Variants in SKI observed in about 807,000 individuals in gnomAD.
The protein encoded by SKI is ski oncogene.
SKI carries 23 observed loss-of-function variants against 59.3 expected under a neutral mutation model. That is an observed-to-expected ratio of 0.39 (90% CI 0.28 to 0.55). SKI has a LOEUF of 0.55. Among genes scored for constraint, SKI ranks in the 20% least tolerant of loss-of-function variants. The pLI, the probability that SKI is intolerant of heterozygous loss-of-function variation, is 0.67. For synonymous variants in SKI, 673 were observed against 488.6 expected (o/e 1.38, Z -4.98); for missense variants, 1,017 against 1,038.9 (o/e 0.98, Z 0.29).
In SKI at chr1:2,303,339, C is replaced by T. The variant is rs1242691039; in HGVS notation, c.1150C>T (p.Pro384Ser). ...QRLSAFRPWS[P>S]AVSASEKELS... The stretch of plus-strand genomic sequence containing the variant: ...CCTCTCTGCTTTCCGACCCTGGTCC[C>T]CCGCAGTGTCAGCGAGTGAGAAAGA... Residue 384 changes from proline (P) to serine (S), a missense_variant, in exon 3 of 7, where the codon CCC (proline) becomes TCC (serine). Transcript: ENST00000378536. This position sits in a 1 kb window ranked among gnomAD's most constrained non-coding sequence, Gnocchi z 5.6. 6.2e-7 allele frequency: 1 copy of T among 1,613,898 alleles called. No individual in the cohort carries two copies. The highest frequency in any genetic ancestry group is 1.1e-5 in the South Asian group (1 of 91,088).
intron 1 of SKI, among the ~76,000 whole-genome samples, chr1:2,280,424 C>T (rs1459569014): frequency 6.6e-6 from 1 of 151,908 alleles, no homozygotes. Flanking sequence ...GGGGGCTGCC[C>T]CTTCTACCCT....
At chr1:2,253,684 G>A (rs1639214101) in intron 1 of SKI, among the ~76,000 whole-genome samples, 1 of 152,218 alleles carries the variant, frequency 6.6e-6, no homozygotes, top group South Asian at 2.1e-4. Flanking sequence ...AACGGTGCGA[G>A]CAGATGGAGG....
intron 1 of SKI, among the ~76,000 whole-genome samples, chr1:2,247,599 C>T (rs1306477924): frequency 2.0e-5 from 3 of 152,238 alleles, no homozygotes; most frequent in African/African-American, 7.2e-5. Flanking sequence ...CTAGAAATGC[C>T]TCCCTGGGGT....
rs987769518 is a variant in SKI, at chr1:2,269,225, G to A, written c.970-33753G>A. 2.0e-5 allele frequency among the ~76,000 whole-genome samples: 3 copies of A among 152,242 alleles called. No homozygotes were observed. The highest frequency in any genetic ancestry group is 4.4e-5 in the Non-Finnish European group (3 of 68,048). ...GCCTCCCAAAGTGTTGGGATGACAG[G>A]TGTGAGCCACCGTGCCTGGCCCATG... On this transcript the variant is annotated intron_variant, in intron 1 of 6. Coordinates refer to ENST00000378536, the MANE Select transcript of SKI (RefSeq NM_003036.4). This position sits in a 1 kb window ranked among gnomAD's most constrained non-coding sequence, Gnocchi z 4.7.
intron 1 of SKI, among the ~76,000 whole-genome samples, chr1:2,261,335 A>G (rs1413453698): frequency 6.6e-6 from 1 of 152,150 alleles, no homozygotes; most frequent in African/African-American, 2.4e-5. Context: ...GGAAATTTTG[A>G]TTGGGATTGT....
At chr1:2,293,824 C>A (rs1333286601) in intron 1 of SKI, among the ~76,000 whole-genome samples, 1 of 152,212 alleles carries the variant, frequency 6.6e-6, no homozygotes, top group East Asian at 1.9e-4. Context: ...CCTTGAAACT[C>A]CGTGCCAGGT....
intron 1 of SKI, among the ~76,000 whole-genome samples, chr1:2,250,153 G>A (rs1639107334): frequency 2.0e-5 from 3 of 152,166 alleles, no homozygotes; most frequent in Non-Finnish European, 2.9e-5. Flanking sequence ...TGATGCAGCC[G>A]CCTTGGCCTC....
rs1639603967 is a variant in SKI at position 2,270,994 on chromosome 1, G to A, written c.970-31984G>A. ...AAGTGCCTGGCCTCAGGCCTGGGCT[G>A]TGGGGATGACTGAGGCCCAGTGAGG... On this transcript the variant is annotated intron_variant, in intron 1 of 6. Transcript: ENST00000378536. This position sits in a 1 kb window ranked among gnomAD's most constrained non-coding sequence, Gnocchi z 4.1. Among the ~76,000 whole-genome samples, 1 of 152,258 alleles carries A rather than the reference G, an allele frequency of 6.6e-6. No individual in the cohort carries two copies.
chr1:2,265,242 C>T (rs530519424), intron 1 of SKI, among the ~76,000 whole-genome samples: 7 of 152,330 alleles, frequency 4.6e-5, no homozygotes, highest in African/African-American at 1.4e-4. Context: ...TCTCCTGCGT[C>T]CCTCCTCTGG....
intron 1 of SKI, among the ~76,000 whole-genome samples, chr1:2,235,666 C>T (rs1198011451): frequency 6.6e-6 from 1 of 152,158 alleles, no homozygotes; most frequent in Non-Finnish European, 1.5e-5. Flanking sequence ...GCCCAGGGAG[C>T]CTCCAGCTCT....
chr1:2,287,597 T>TGGTA (rs796942684), intron 1 of SKI, among the ~76,000 whole-genome samples: 41 of 152,194 alleles, frequency 2.7e-4, no homozygotes, highest in African/African-American at 8.7e-4. Context: ...GCAGTGTTGG[T>TGGTA]GGTAGGTGTG....
At chr1:2,291,160 T>C (rs1259879166) in intron 1 of SKI, among the ~76,000 whole-genome samples, 1 of 151,262 alleles carries the variant, frequency 6.6e-6, no homozygotes, top group South Asian at 2.1e-4. Context: ...CTTGCTGTTC[T>C]TGGGAGTCTG....
chr1:2,229,645 C>G lies in SKI; in HGVS notation c.879C>G (p.Gly293=), dbSNP rs543890429. Reference sequence around the variant, plus strand: ...TCCTGCTGAGCCAGGATTACACGGGCAAGGAGGAGCAGGCGCGCCTCGGCC... The same window carrying G: ...TCCTGCTGAGCCAGGATTACACGGGGAAGGAGGAGCAGGCGCGCCTCGGCC... ...AYILLSQDYT[G]KEEQARLGRC... Residue 293 remains glycine (G), a synonymous_variant, in exon 1 of 7, where the codon GGC becomes GGG. Transcript: ENST00000378536. This position sits in a 1 kb window ranked among gnomAD's most constrained non-coding sequence, Gnocchi z 6.3. The G allele has an allele frequency of 3.1e-6, 5 of 1,612,044 alleles. No homozygotes were observed. In the African/African-American group the frequency reaches 5.3e-5, roughly 17 times the overall value.
intron 1 of SKI, among the ~76,000 whole-genome samples, chr1:2,233,326 G>C (rs1046019063): frequency 1.3e-5 from 2 of 152,062 alleles, no homozygotes; most frequent in Non-Finnish European, 2.9e-5. Flanking sequence ...AGGGGGCCGG[G>C]CGTCCTGTTC....
At chr1:2,287,876 C>G (rs61759159) in intron 1 of SKI, among the ~76,000 whole-genome samples, 15,097 of 152,300 alleles carry the variant, frequency 0.099, 926 homozygotes, top group African/African-American at 0.17. Context: ...GCCCTCCGGC[C>G]CCACCCCGAG....
rs1639584369 is a variant in SKI, at chr1:2,270,090, G to T, written c.970-32888G>T. ...TGGATGAGCCTGCCTGTCCCCCACG[G>T]ATTGGAGTTTTGCCCAGGGGTGCTG... On this transcript the variant is annotated intron_variant, in intron 1 of 6. Transcript: ENST00000378536. This position sits in a 1 kb window ranked among gnomAD's most constrained non-coding sequence, Gnocchi z 4.1. Among the ~76,000 whole-genome samples, 1 of 152,172 alleles carries T rather than the reference G, an allele frequency of 6.6e-6. No individual in the cohort carries two copies. The highest frequency in any genetic ancestry group is 2.4e-5 in the African/African-American group (1 of 41,432).
At position 2,304,576 on chromosome 1, in the gene SKI, C is replaced by G. The variant is rs977768010; in HGVS notation, c.1758C>G (p.Ser586Arg). Residue 586 changes from serine to arginine, a missense_variant, in exon 5 of 7, where the codon AGC (serine) becomes AGG (arginine). By Grantham distance (110) the Ser-to-Arg change is moderately radical. Coordinates refer to ENST00000378536, the MANE Select transcript of SKI (RefSeq NM_003036.4). ...KLSAALQAKR[S>R]LHQELEFLRV... ...GCGCAGCCCTGCAGGCCAAGCGCAGCCTCCACCAGGTGAGCGGGGCGAGTG... is the reference window on the plus strand; with the variant it reads ...GCGCAGCCCTGCAGGCCAAGCGCAGGCTCCACCAGGTGAGCGGGGCGAGTG... 1 of 1,555,810 alleles carries G rather than the reference C, an allele frequency of 6.4e-7. No homozygotes were observed. The highest frequency in any genetic ancestry group is 1.4e-5 in the African/African-American group (1 of 73,256).
At chr1:2,274,364 A>G (rs1015399971) in intron 1 of SKI, among the ~76,000 whole-genome samples, 7 of 151,952 alleles carry the variant, frequency 4.6e-5, no homozygotes, top group Non-Finnish European at 1.0e-4. Context: ...CCAGGCCCCC[A>G]TATGCTGGGT....
Position 2,229,520 on chromosome 1 carries a change from C to G in SKI, c.754C>G (p.Leu252Val). The G allele has an allele frequency of 6.2e-7, 1 of 1,611,298 alleles. No homozygotes were observed. Among genetic ancestry groups the G allele is most frequent in the Non-Finnish European group, 8.5e-7 (1 of 1,179,910 alleles). Residue 252 changes from leucine (L) to valine (V), a missense_variant, in exon 1 of 7, where the codon CTC (leucine) becomes GTC (valine). Coordinates refer to ENST00000378536, the MANE Select transcript of SKI (RefSeq NM_003036.4). The surrounding 1 kb of genome is among the most constrained non-coding windows in gnomAD (Gnocchi z 6.3). ...CTGCATCCAGTGCCTGGACTGCCGC[C>G]TCATGTACCCGCCGCACAAGTTCGT... ...AACIQCLDCR[L>V]MYPPHKFVVH...
Sources: gnomAD v4.1 joint callset for allele counts (sites outside exome capture counted in the v4.1 genomes callset) on GRCh38, gnomAD v4.1.1 for gene constraint, Gnocchi (gnomAD v3.1) non-coding constraint, MANE v1.5 for transcripts, NCBI Gene and HGNC (gene_info 2026-07-23, HGNC 2026-07-21) for gene names.